The following CNTNAP3 variants were observed in gnomAD, a reference collection of about 807,000 sequenced individuals.
The protein encoded by CNTNAP3 is contactin associated protein family member 3, also known as contactin-associated protein-like 3.
Under a neutral mutation model 92.1 loss-of-function variants are expected in CNTNAP3, and 36 were observed. The ratio of observed to expected loss-of-function variants is 0.39; its 90% CI spans 0.30 to 0.52. CNTNAP3 has a LOEUF of 0.52. Among genes scored for constraint, CNTNAP3 ranks in the 20% least tolerant of loss-of-function variants. The probability of loss-of-function intolerance (pLI) is 0.76; values close to 1 mark genes in which losing one functional copy is unlikely to be tolerated. For synonymous variants in CNTNAP3, 232 were observed against 422.3 expected (o/e 0.55, Z 5.53); for missense variants, 534 against 1,069.6 (o/e 0.50, Z 6.98).
At chr9:39,150,963 T>C (rs1757227350) in intron 9 of CNTNAP3, among the ~76,000 whole-genome samples, 2 of 147,408 alleles carry the variant, frequency 1.4e-5, no homozygotes, top group South Asian at 4.4e-4. Context: ...GTCTTGAACT[T>C]ACTCCCACCC....
At chr9:39,091,739 T>C (rs1826208074) in intron 18 of CNTNAP3, among the ~76,000 whole-genome samples, 2 of 151,862 alleles carry the variant, frequency 1.3e-5, no homozygotes, top group Admixed American at 1.3e-4. Context: ...AAAATGCTCC[T>C]TTCTCTTTTA....
At chr9:39,146,723 C>T (rs1032148321) in intron 10 of CNTNAP3, among the ~76,000 whole-genome samples, 3 of 150,418 alleles carry the variant, frequency 2.0e-5, no homozygotes, top group African/African-American at 7.3e-5. Context: ...AAACACCTAT[C>T]CAAACATAAA....
chr9:39,146,201 G>T (rs1164119049), intron 10 of CNTNAP3, among the ~76,000 whole-genome samples: 2 of 152,112 alleles, frequency 1.3e-5, no homozygotes, highest in Non-Finnish European at 2.9e-5. Flanking sequence ...CAGAGGGGAA[G>T]ATGGCAGAGG....
chr9:39,099,581 T>C, intron 18 of CNTNAP3, among the ~76,000 whole-genome samples: 1 of 152,162 alleles, frequency 6.6e-6, no homozygotes, highest in East Asian at 1.9e-4. Flanking sequence ...AAAACAAAAA[T>C]AACAATGATG....
chr9:39,103,219 C>G (rs1317234229), intron 16 of CNTNAP3, among the ~76,000 whole-genome samples: 2 of 152,296 alleles, frequency 1.3e-5, no homozygotes, highest in African/African-American at 4.8e-5. Flanking sequence ...CTGTTCTGTA[C>G]TCTAGGGAAG....
In CNTNAP3 at chr9:39,149,876, T is replaced by A. The variant is rs1363652449; in HGVS notation, c.1579A>T (p.Ile527Phe). ...ITIGDKAVDP[I>F]LVQQGALGSF... Reference sequence around the variant, plus strand: ...CCCAGCGCCCCCTGCTGTACTAAGATGGGATCCACCGCTTTGTCACCAATG... The same window carrying A: ...CCCAGCGCCCCCTGCTGTACTAAGAAGGGATCCACCGCTTTGTCACCAATG... The change falls in exon 10 of 24, where the codon ATC becomes TTC. Residue 527 changes from isoleucine to phenylalanine, a missense_variant. Ile to Phe is a conservative substitution (Grantham distance 21, BLOSUM62 0). Coordinates refer to ENST00000297668, the MANE Select transcript of CNTNAP3 (RefSeq NM_033655.5). 6.2e-7 allele frequency: 1 copy of A among 1,606,200 alleles called. No individual in the cohort carries two copies. The highest frequency in any genetic ancestry group is 8.5e-7 in the Non-Finnish European group (1 of 1,177,270).
intron 15 of CNTNAP3, chr9:39,106,380 T>C (rs1274344103): frequency 6.6e-6 from 1 of 152,158 alleles, no homozygotes; most frequent in Non-Finnish European, 1.5e-5. Context: ...CACCTCACAT[T>C]CCTGGGCTCA....
chr9:39,279,929 T>A (rs1430399103), intron 1 of CNTNAP3, among the ~76,000 whole-genome samples: 1 of 60,850 alleles, frequency 1.6e-5, no homozygotes, highest in South Asian at 6.6e-4. Context: ...ATGTACCCTA[T>A]AACTTAAAGT....
Position 39,109,256 on chromosome 9 carries a change from C to G in CNTNAP3, c.2269G>C (p.Glu757Gln), listed in dbSNP as rs1338001814. Residue 757 changes from glutamate (E) to glutamine (Q), a missense_variant, in exon 15 of 24, where the codon GAG becomes CAG. By Grantham distance (29) the Glu-to-Gln change is conservative. Coordinates refer to ENST00000297668, the MANE Select transcript of CNTNAP3 (RefSeq NM_033655.5). Reference sequence around the variant, plus strand: ...ACAATCTGAGTGACTGGCAGGTGCTCCTTTTGGGAAAGGACTATTGTGTCA... The same window carrying G: ...ACAATCTGAGTGACTGGCAGGTGCTGCTTTTGGGAAAGGACTATTGTGTCA... The part of the protein sequence containing the change: ...TSDTIVLSQK[E>Q]HLPVTQIVMT... 1 of 1,612,108 alleles carries G rather than the reference C, an allele frequency of 6.2e-7. No homozygotes were observed. The highest frequency in any genetic ancestry group is 8.5e-7 in the Non-Finnish European group (1 of 1,179,756).
intron 9 of CNTNAP3, among the ~76,000 whole-genome samples, chr9:39,153,706 C>T (rs1821889452): frequency 1.9e-5 from 1 of 51,384 alleles, no homozygotes; most frequent in Admixed American, 2.2e-4. Context: ...CTACAGGCTC[C>T]CGCCACCATG....
At chr9:39,131,447 C>T (rs181944152) in intron 13 of CNTNAP3, among the ~76,000 whole-genome samples, 5,292 of 152,008 alleles carry the variant, frequency 0.035, 193 homozygotes, top group Non-Finnish European at 0.042. Context: ...ACCAAATTGG[C>T]TGGCAGGCAT....
chr9:39,114,511 C>T (rs1391805441), intron 14 of CNTNAP3, among the ~76,000 whole-genome samples: 1 of 152,172 alleles, frequency 6.6e-6, no homozygotes, highest in African/African-American at 2.4e-5. Flanking sequence ...CTTTGTCTGA[C>T]ATAATACAGC....
Position 39,129,864 on chromosome 9 carries a change from C to T in CNTNAP3, c.2080+3068G>A, listed in dbSNP as rs528763719. 4.5e-3 allele frequency among the ~76,000 whole-genome samples: 678 copies of T among 152,134 alleles called. 1 individual carries two copies. The highest frequency in any genetic ancestry group is 8.7e-3 in the African/African-American group (362 of 41,508). The stretch of plus-strand genomic sequence containing the variant: ...TCACAGACATCTATCTCACTGAAAA[C>T]GATATACAGATGGCAAATAAGCATA... On this transcript the variant is annotated intron_variant, in intron 13 of 23. Coordinates refer to ENST00000297668, the MANE Select transcript of CNTNAP3 (RefSeq NM_033655.5).
At position 39,068,585 on chromosome 9, in the gene CNTNAP3, C is replaced by T. The variant is rs1449190877; in HGVS notation, c.*5305G>A. Among the ~76,000 whole-genome samples the T allele has an allele frequency of 2.0e-5, 3 of 152,310 alleles. No homozygotes were observed. The highest frequency in any genetic ancestry group is 2.9e-5 in the Non-Finnish European group (2 of 68,058). On this transcript the variant is annotated 3_prime_UTR_variant, in exon 24 of 24. Coordinates refer to ENST00000297668, the MANE Select transcript of CNTNAP3 (RefSeq NM_033655.5). ...TTCTTTCCCTTGCCTCAGGTAGTTT[C>T]ATGCACTTTGTTACACACTGAAGGG...
chr9:39,132,894 C>T, intron 13 of CNTNAP3, 38 bp downstream of exon 13: 2 of 1,514,398 alleles, frequency 1.3e-6, no homozygotes, highest in African/African-American at 1.4e-5. Flanking sequence ...CGCGCCCCGG[C>T]CCCGTGAACC....
At chr9:39,087,924 A>AC (rs1400226026) in intron 19 of CNTNAP3, among the ~76,000 whole-genome samples, 1 of 152,196 alleles carries the variant, frequency 6.6e-6, no homozygotes, top group Non-Finnish European at 1.5e-5. Context: ...GGTTGTCATT[A>AC]CACTTTTCTT....
Position 39,067,392 on chromosome 9 carries a change from C to T in CNTNAP3, c.*6498G>A, listed in dbSNP as rs1819946208. ...TTGTATACCAGACATTGTGATTTTA[C>T]CTCGTTGGGTGTTGGATTTTTTTTT... On this transcript the variant is annotated 3_prime_UTR_variant, in exon 24 of 24. Coordinates refer to ENST00000297668, the MANE Select transcript of CNTNAP3 (RefSeq NM_033655.5). Among the ~76,000 whole-genome samples, 1 of 152,422 alleles carries T rather than the reference C, an allele frequency of 6.6e-6. No homozygotes were observed. Among genetic ancestry groups the T allele is most frequent in the African/African-American group, 2.4e-5 (1 of 41,606 alleles).
chr9:39,092,738 C>T lies in CNTNAP3; in HGVS notation c.2996-4091G>A, dbSNP rs1357109416. ...CTACAGATGTGTGTTAGAATGATTG[C>T]GTTTTTATTTTTTTCAACTCTATTT... On this transcript the variant is annotated intron_variant, in intron 18 of 23. Coordinates refer to ENST00000297668, the MANE Select transcript of CNTNAP3 (RefSeq NM_033655.5). 3.2e-4 allele frequency among the ~76,000 whole-genome samples: 43 copies of T among 135,884 alleles called. 6 individuals are homozygous for T. Among genetic ancestry groups the T allele is most frequent in the Admixed American group, 6.4e-4 (9 of 14,104 alleles). 89.1% of individuals were successfully genotyped at this position (135,884 alleles called of 152,430 possible). A position where few individuals can be genotyped will look rare whatever the true frequency, so the allele number is the denominator to read the frequency against.
intron 18 of CNTNAP3, among the ~76,000 whole-genome samples, chr9:39,096,265 G>GT (rs1182961447): frequency 7.3e-6 from 1 of 136,968 alleles, no homozygotes; most frequent in Admixed American, 7.0e-5. Context: ...AGTGCTATTT[G>GT]TTTTTTGTGT....
Sources: gnomAD v4.1 joint callset for allele counts (sites outside exome capture counted in the v4.1 genomes callset) on GRCh38, gnomAD v4.1.1 for gene constraint, MANE v1.5 for transcripts, NCBI Gene and HGNC (gene_info 2026-07-23, HGNC 2026-07-21) for gene names.